The following TRAK1 variants were observed in gnomAD, a reference collection of about 807,000 sequenced individuals.
TRAK1 encodes trafficking kinesin protein 1, also known as trafficking kinesin-binding protein 1.
A neutral mutation model predicts 92.1 loss-of-function variants in TRAK1; 33 were observed. The observed-to-expected ratio is 0.36, with a 90% CI of 0.27 to 0.48. The LOEUF is 0.48. Ranked by LOEUF, TRAK1 falls within the 20% of genes least tolerant of loss-of-function variation. TRAK1 has a pLI of 0.99. For synonymous variants in TRAK1, 521 were observed against 517.3 expected (o/e 1.01, Z -0.10); for missense variants, 1,123 against 1,257.9 (o/e 0.89, Z 1.62).
chr3:42,129,233 G>T (rs1696874856), intron 2 of TRAK1, among the ~76,000 whole-genome samples: 1 of 152,100 alleles, frequency 6.6e-6, no homozygotes, highest in South Asian at 2.1e-4. Context: ...CCAGTATGTT[G>T]TATCAGTTTT....
At chr3:42,156,477 T>TG (rs1169449716) in intron 2 of TRAK1, among the ~76,000 whole-genome samples, 6 of 152,180 alleles carry the variant, frequency 3.9e-5, no homozygotes. Flanking sequence ...TGGCCTAATA[T>TG]GGGGCAATTT....
At chr3:42,208,882 G>A (rs540534333) in intron 13 of TRAK1, among the ~76,000 whole-genome samples, 9 of 152,182 alleles carry the variant, frequency 5.9e-5, no homozygotes, top group South Asian at 2.1e-4. Context: ...CAAGAACACC[G>A]TAGCATACTA....
intron 1 of TRAK1, among the ~76,000 whole-genome samples, chr3:42,079,324 G>A (rs2148948628): frequency 6.6e-6 from 1 of 152,260 alleles, no homozygotes; most frequent in Admixed American, 6.5e-5. Context: ...TGCCCAGAAA[G>A]AGGAAACCTT....
chr3:42,166,943 C>T (rs930701722), intron 2 of TRAK1, among the ~76,000 whole-genome samples: 3 of 152,144 alleles, frequency 2.0e-5, no homozygotes, highest in South Asian at 2.1e-4. Flanking sequence ...ACTACTGTTC[C>T]GGCCACAAGG....
rs1411942019 is a variant in TRAK1 at position 42,132,247 on chromosome 3, T to G, written c.286+6633T>G. On this transcript the variant is annotated intron_variant, in intron 2 of 15. Transcript: ENST00000327628. Reference sequence around the variant, plus strand: ...ACTTGTAAATGCTATGTTTTTTGTTTTTTTTTTTTTGTTTGGTGTATTTTT... The same window carrying G: ...ACTTGTAAATGCTATGTTTTTTGTTGTTTTTTTTTTGTTTGGTGTATTTTT... Among the ~76,000 whole-genome samples, 18 of 41,072 alleles carry G rather than the reference T, an allele frequency of 4.4e-4. No individual in the cohort carries two copies. The East Asian group carries it at 0.01, about 23-fold the overall frequency. 26.9% of individuals were successfully genotyped at this position (41,072 alleles called of 152,430 possible).
intron 14 of TRAK1, chr3:42,218,496 T>A: frequency 1.0e-6 from 1 of 985,042 alleles, no homozygotes; most frequent in Non-Finnish European, 1.2e-6. Flanking sequence ...GTGCATGCTA[T>A]TTCGGGCAGC....
At chr3:42,182,125 T>C (rs1255914050) in intron 3 of TRAK1, among the ~76,000 whole-genome samples, 1 of 151,934 alleles carries the variant, frequency 6.6e-6, no homozygotes, top group Non-Finnish European at 1.5e-5. Context: ...TGGTAGACAC[T>C]GACCAGTGTG....
chr3:42,197,514 G>A lies in TRAK1; in HGVS notation c.1114-1663G>A, dbSNP rs113942748. Among the ~76,000 whole-genome samples, 180 of 152,120 alleles carry A rather than the reference G, an allele frequency of 1.2e-3. 1 individual carries two copies. Among genetic ancestry groups the A allele is most frequent in the Admixed American group, 2.4e-3 (37 of 15,280 alleles). On this transcript the variant is annotated intron_variant, in intron 10 of 15. Transcript: ENST00000327628. ...CTGAAGAAGTGGAACCCACAGATACGGAGGGCTGACTGTAGTAATTTGACA... is the reference window on the plus strand; with the variant it reads ...CTGAAGAAGTGGAACCCACAGATACAGAGGGCTGACTGTAGTAATTTGACA...
intron 2 of TRAK1, among the ~76,000 whole-genome samples, chr3:42,134,578 C>CTTTTTTT (rs547455969): frequency 1.3e-5 from 1 of 76,434 alleles, no homozygotes; most frequent in African/African-American, 5.1e-5. Context: ...TGCCTGGTCT[C>CTTTTTTT]TTTTTTTTTT....
At chr3:42,199,323 T>G in intron 11 of TRAK1, 70 bp downstream of exon 11, 1 of 1,513,174 alleles carries the variant, frequency 6.6e-7, no homozygotes, top group Non-Finnish European at 9.1e-7. Flanking sequence ...GTTCAAAACC[T>G]AGCAATGTTG....
intron 1 of TRAK1, among the ~76,000 whole-genome samples, chr3:42,021,068 C>T (rs1217985383): frequency 6.6e-6 from 1 of 151,992 alleles, no homozygotes; most frequent in African/African-American, 2.4e-5. Flanking sequence ...ATTAAAAACT[C>T]AAAACAAACA....
intron 1 of TRAK1, among the ~76,000 whole-genome samples, chr3:42,040,046 A>AT (rs141501174): frequency 0.12 from 17,215 of 148,208 alleles, 2,982 homozygotes; most frequent in African/African-American, 0.38. Flanking sequence ...TCCTTTGCCT[A>AT]TTTTTTTTTT....
In TRAK1 at chr3:42,189,103, GA is replaced by G; in HGVS notation, c.671del (p.Asn224MetfsTer11). The G allele has an allele frequency of 6.2e-7, 1 of 1,613,960 alleles. No individual in the cohort carries two copies. The highest frequency in any genetic ancestry group is 8.5e-7 in the Non-Finnish European group (1 of 1,179,786). On this transcript the variant is annotated frameshift_variant, in exon 6 of 16. Transcript: ENST00000327628. LOFTEE classifies it high-confidence loss of function. ...AGAAGCTGAAAGACCTTGAAGAGGAGAATGTTGTACTTCGATCCGAGGTGAT... is the reference window on the plus strand; with the variant it reads ...AGAAGCTGAAAGACCTTGAAGAGGAGATGTTGTACTTCGATCCGAGGTGAT... ...QKKLKDLEEE[N>X]VVLRSEASQL... is the part of the protein sequence containing the mutation.
At chr3:42,015,366 C>T (rs1210581647) in intron 1 of TRAK1, among the ~76,000 whole-genome samples, 3 of 152,092 alleles carry the variant, frequency 2.0e-5, no homozygotes, top group Admixed American at 1.3e-4. Flanking sequence ...CAGCACCAGC[C>T]GTTTCCTGTT....
chr3:42,195,467 A>G (rs775822345), intron 10 of TRAK1, among the ~76,000 whole-genome samples: 2 of 151,952 alleles, frequency 1.3e-5, no homozygotes, highest in African/African-American at 2.4e-5. Flanking sequence ...TTTGAGAGAA[A>G]CTCCCCCAAG....
At chr3:42,155,257 A>G (rs947303704) in intron 2 of TRAK1, among the ~76,000 whole-genome samples, 4 of 152,086 alleles carry the variant, frequency 2.6e-5, no homozygotes, top group African/African-American at 4.8e-5. Flanking sequence ...GATACTCAAG[A>G]CATGTTTAAT....
intron 1 of TRAK1, among the ~76,000 whole-genome samples, chr3:42,110,132 A>G (rs1220578470): frequency 7.8e-6 from 1 of 128,230 alleles, no homozygotes; most frequent in African/African-American, 2.9e-5. Flanking sequence ...ATATATATAT[A>G]AACTTTGTGT....
intron 2 of TRAK1, among the ~76,000 whole-genome samples, chr3:42,165,480 G>A (rs562970144): frequency 6.6e-6 from 1 of 152,316 alleles, no homozygotes; most frequent in South Asian, 2.1e-4. Flanking sequence ...CATTTCTCCA[G>A]CTTGGGAGAG....
chr3:42,189,069 C>A lies in TRAK1; in HGVS notation c.635C>A (p.Ser212Tyr), dbSNP rs747618814. ...GTCCAGAATTACTTTCATTTGGATT[C>A]TCTTCAAAAGAAGCTGAAAGACCTT... Reference protein sequence around the residue: ...SSVQNYFHLDSLQKKLKDLEE... With the variant: ...SSVQNYFHLDYLQKKLKDLEE... The change falls in exon 6 of 16, where the codon TCT becomes TAT. Residue 212 changes from serine to tyrosine, a missense_variant. This residue lies in a region of TRAK1 where 686 missense variants were observed against 747.6 expected (regional missense o/e 0.92). Transcript: ENST00000327628. 6.2e-7 allele frequency: 1 copy of A among 1,614,206 alleles called. No homozygotes were observed. Among genetic ancestry groups the A allele is most frequent in the South Asian group, 1.1e-5 (1 of 91,076 alleles).
Sources: gnomAD v4.1 joint callset for allele counts (sites outside exome capture counted in the v4.1 genomes callset) on GRCh38, gnomAD v4.1.1 for gene constraint, gnomAD v4.1.1 regional missense constraint, MANE v1.5 for transcripts, NCBI Gene and HGNC (gene_info 2026-07-23, HGNC 2026-07-21) for gene names.